The following APTX variants were observed in gnomAD, a reference collection of about 807,000 sequenced individuals.
The protein encoded by APTX is aprataxin, also known as forkhead-associated domain histidine triad-like protein.
A neutral mutation model predicts 42.3 loss-of-function variants in APTX; 33 were observed. The observed-to-expected ratio is 0.78, with a 90% CI of 0.59 to 1.04. The LOEUF is 1.04. APTX is among the 50% of genes least tolerant of loss of function. The pLI, the probability that APTX is intolerant of heterozygous loss-of-function variation, is 0.00. For missense variants in APTX, 421 were observed against 415.1 expected (o/e 1.01, Z -0.12); for synonymous variants, 130 against 146.7 (o/e 0.89, Z 0.82).
Position 33,010,138 on chromosome 9 carries a change from A to G in APTX, c.-5+14885T>C, listed in dbSNP as rs146216632. Among the ~76,000 whole-genome samples the G allele has an allele frequency of 4.9e-3, 745 of 152,174 alleles. 9 individuals are homozygous for G. Among genetic ancestry groups the G allele is most frequent in the African/African-American group, 0.017 (721 of 41,538 alleles). On this transcript the variant is annotated intron_variant, in intron 1 of 6. Coordinates refer to the APTX transcript ENST00000436040. ...GAACCTTACGGTATCTGGGCCCTCA[A>G]TCTCACAATCACAGACAGGCAATAG...
intron 1 of APTX, among the ~76,000 whole-genome samples, chr9:33,018,842 G>A (rs10971332): frequency 1.3e-5 from 2 of 152,164 alleles, no homozygotes; most frequent in Non-Finnish European, 2.9e-5. Flanking sequence ...TCACGCCATT[G>A]CGCTCCAGCC....
At position 32,973,377 on chromosome 9, in the gene APTX, T is replaced by C. The variant is rs765763992; in HGVS notation, c.*121A>G. The C allele has an allele frequency of 2.5e-6, 3 of 1,178,280 alleles. No homozygotes were observed. Among genetic ancestry groups the C allele is most frequent in the South Asian group, 2.5e-5 (2 of 80,694 alleles). 73.0% of individuals were successfully genotyped at this position (1,178,280 alleles called of 1,614,324 possible). On this transcript the variant is annotated 3_prime_UTR_variant, in exon 8 of 8. Coordinates refer to ENST00000379817, the MANE Select transcript of APTX (RefSeq NM_001195248.2). ...GTGGCCACTCAATAATAGAATAAAT[T>C]TGTGAAAAAGCTGCATGTTTTAATT...
chr9:33,001,336 T>TCG, intron 1 of APTX: 3 of 1,525,080 alleles, frequency 2.0e-6, no homozygotes, highest in Non-Finnish European at 2.6e-6. Flanking sequence ...TACATACAGG[T>TCG]GTCGGGAGCA....
chr9:32,995,370 G>T (rs1834583203), intron 1 of APTX, among the ~76,000 whole-genome samples: 1 of 152,144 alleles, frequency 6.6e-6, no homozygotes, highest in East Asian at 1.9e-4. Flanking sequence ...CAACCCTTAT[G>T]GATGACTTTC....
At chr9:32,986,085 T>C in intron 4 of APTX, 55 bp from the exon 5 acceptor site, 2 of 1,473,474 alleles carry the variant, frequency 1.4e-6, no homozygotes, top group Non-Finnish European at 1.9e-6. Context: ...CAATGTAAAT[T>C]ACAAATGCCA....
At chr9:33,000,839 T>A (rs890574395) in intron 1 of APTX, among the ~76,000 whole-genome samples, 2 of 129,814 alleles carry the variant, frequency 1.5e-5, no homozygotes, top group Non-Finnish European at 3.4e-5. Flanking sequence ...GGCTTTTTTT[T>A]TTTTTCTTTT....
intron 1 of APTX, among the ~76,000 whole-genome samples, chr9:33,010,112 A>G (rs1837432769): frequency 6.6e-6 from 1 of 152,178 alleles, no homozygotes; most frequent in Non-Finnish European, 1.5e-5. Context: ...CCAAACCATA[A>G]GAACCTTACG....
intron 6 of APTX, among the ~76,000 whole-genome samples, chr9:32,978,474 AG>A (rs1829966902): frequency 1.3e-5 from 2 of 152,112 alleles, no homozygotes; most frequent in Non-Finnish European, 1.5e-5. Flanking sequence ...TGGCTTGCTT[AG>A]GGGGAGAATG....
chr9:33,023,726 A>G (rs1395204983), intron 1 of APTX, among the ~76,000 whole-genome samples: 1 of 152,284 alleles, frequency 6.6e-6, no homozygotes, highest in Non-Finnish European at 1.5e-5. Flanking sequence ...AACTGCGGAT[A>G]GTTCTGTGAC....
At chr9:32,992,453 T>C (rs1216266984) in intron 1 of APTX, among the ~76,000 whole-genome samples, 2 of 152,064 alleles carry the variant, frequency 1.3e-5, no homozygotes, top group Non-Finnish European at 2.9e-5. Context: ...AGGGGACTGA[T>C]AAAGAAGAAA....
At chr9:32,994,154 G>T (rs1834293506) in intron 1 of APTX, among the ~76,000 whole-genome samples, 1 of 152,220 alleles carries the variant, frequency 6.6e-6, no homozygotes. Flanking sequence ...CTGTCCAATA[G>T]AATTTTCTGC....
chr9:32,981,701 G>A (rs1830710985), intron 6 of APTX, among the ~76,000 whole-genome samples: 1 of 152,098 alleles, frequency 6.6e-6, no homozygotes, highest in African/African-American at 2.4e-5. Flanking sequence ...TGAACAATTT[G>A]AGCAACAAAA....
At chr9:32,977,560 G>A (rs185594420) in intron 6 of APTX, among the ~76,000 whole-genome samples, 1 of 151,922 alleles carries the variant, frequency 6.6e-6, no homozygotes, top group Non-Finnish European at 1.5e-5. Context: ...CCTGGGTGCA[G>A]TGGCTCACAC....
chr9:32,984,437 T>G (rs577945223), intron 6 of APTX, among the ~76,000 whole-genome samples, 194 bp downstream of exon 6: 1 of 152,208 alleles, frequency 6.6e-6, no homozygotes, highest in Non-Finnish European at 1.5e-5. Flanking sequence ...GACTGAATTA[T>G]AGGCAGAAGT....
intron 1 of APTX, chr9:33,024,849 G>A (rs370748327): frequency 7.5e-6 from 1 of 132,692 alleles, no homozygotes; most frequent in African/African-American, 2.8e-5. Context: ...AAAGAGAAGA[G>A]GCGCCCGTAA....
chr9:33,001,458 G>A (rs1282258212), intron 1 of APTX, 109 bp downstream of exon 1: 9 of 1,583,406 alleles, frequency 5.7e-6, no homozygotes, highest in Non-Finnish European at 7.7e-6. Context: ...GCGCATGAAA[G>A]CAGCGTCATT....
At chr9:33,018,593 G>C (rs1838101778) in intron 1 of APTX, among the ~76,000 whole-genome samples, 1 of 138,226 alleles carries the variant, frequency 7.2e-6, no homozygotes, top group South Asian at 2.3e-4. Context: ...AAAAAAGACT[G>C]TACTTCCCCA....
At chr9:32,977,140 TAA>T (rs1465849384) in intron 6 of APTX, among the ~76,000 whole-genome samples, 16 of 152,226 alleles carry the variant, frequency 1.1e-4, no homozygotes, top group South Asian at 4.1e-4. Context: ...CATTTTCACT[TAA>T]GAGATAAAAA....
chr9:33,001,650 G>A (rs375155817), upstream of APTX: 119 of 1,610,440 alleles, frequency 7.4e-5, no homozygotes, highest in Admixed American at 1.5e-4. Flanking sequence ...TCAGAGGCCG[G>A]CTGTATCGCG....
Sources: allele counts gnomAD v4.1 joint callset (sites outside exome capture counted in the v4.1 genomes callset), GRCh38; gene constraint gnomAD v4.1.1; transcripts MANE v1.5; gene names NCBI Gene and HGNC (gene_info 2026-07-23, HGNC 2026-07-21).